Variants in EPC2 observed in about 807,000 individuals in gnomAD.
The protein encoded by EPC2 is enhancer of polycomb homolog 2.
A neutral mutation model predicts 92.1 loss-of-function variants in EPC2; 14 were observed. The ratio of observed to expected loss-of-function variants is 0.15; its 90% CI spans 0.10 to 0.24. The LOEUF (loss-of-function observed/expected upper bound fraction) is 0.24, where lower values mean the gene tolerates loss of function less well. Among genes scored for constraint, EPC2 ranks in the 10% least tolerant of loss-of-function variants. The pLI is 1.00. For synonymous variants in EPC2, 340 were observed against 334.7 expected, an observed-to-expected ratio of 1.02 and a Z score of -0.17; for missense variants, 755 against 971.5, an observed-to-expected ratio of 0.78 and a Z score of 2.96.
chr2:148,662,380 C>T lies in EPC2; in HGVS notation c.153+17210C>T, dbSNP rs148629065. On this transcript the variant is annotated intron_variant, in intron 1 of 13. Transcript: ENST00000258484. ...GACACATGGAGATGTATGTTTATTG[C>T]GGCACTTTTCACAATAGCAAAGACT... Among the ~76,000 whole-genome samples the T allele has an allele frequency of 1.0e-3, 158 of 152,162 alleles. 1 individual carries two copies. The highest frequency in any genetic ancestry group is 2.9e-3 in the African/African-American group (122 of 41,502).
At chr2:148,785,981 T>G (rs1433743035) in intron 13 of EPC2, among the ~76,000 whole-genome samples, 1 of 151,532 alleles carries the variant, frequency 6.6e-6, no homozygotes, top group Non-Finnish European at 1.5e-5. Context: ...GCTTCATCTC[T>G]CGAGAAAAAA....
intron 11 of EPC2, 58 bp from the exon 12 acceptor site, chr2:148,783,539 A>G: frequency 6.6e-7 from 1 of 1,517,236 alleles, no homozygotes. Context: ...CCCATCCCTT[A>G]ATATGTTCAT....
intron 2 of EPC2, among the ~76,000 whole-genome samples, chr2:148,697,181 G>A (rs1307860770): frequency 6.6e-6 from 1 of 152,190 alleles, no homozygotes; most frequent in African/African-American, 2.4e-5. Flanking sequence ...GCTCCAGAGT[G>A]TGCCTGTTTA....
At chr2:148,759,284 G>T (rs144633118) in intron 4 of EPC2, among the ~76,000 whole-genome samples, 1 of 152,078 alleles carries the variant, frequency 6.6e-6, no homozygotes, top group Admixed American at 6.5e-5. Flanking sequence ...GTAGAGACAG[G>T]GTTTTACCAT....
intron 1 of EPC2, among the ~76,000 whole-genome samples, chr2:148,683,884 C>T (rs898176014): frequency 3.9e-5 from 6 of 152,194 alleles, no homozygotes; most frequent in East Asian, 1.9e-4. Flanking sequence ...GGTAGTTACC[C>T]GGTAGTGGGA....
Position 148,770,937 on chromosome 2 carries a change from G to GGT in EPC2, c.1376+2_1376+3dup. 1.9e-6 allele frequency: 3 copies of GGT among 1,608,600 alleles called. No homozygotes were observed. The highest frequency in any genetic ancestry group is 2.5e-6 in the Non-Finnish European group (3 of 1,178,554). Reference sequence around the variant, plus strand: ...AGGAGGCGAATTGGCAGAGGTGGAAGGTGAAGTATTTGTTTTCACCTGGTT... The same window carrying GGT: ...AGGAGGCGAATTGGCAGAGGTGGAAGGTGTGAAGTATTTGTTTTCACCTGGTT... On this transcript the variant is annotated frameshift_variant and splice_region_variant. Coordinates refer to ENST00000258484, the MANE Select transcript of EPC2 (RefSeq NM_015630.4). LOFTEE classifies it high-confidence loss of function.
chr2:148,684,448 C>A (rs912603174), intron 1 of EPC2, among the ~76,000 whole-genome samples: 1 of 152,032 alleles, frequency 6.6e-6, no homozygotes, highest in Non-Finnish European at 1.5e-5. Context: ...AGAGTTTTTC[C>A]GATGTTATGT....
At position 148,779,489 on chromosome 2, in the gene EPC2, G is replaced by A. The variant is rs529979489; in HGVS notation, c.1721-2155G>A. Among the ~76,000 whole-genome samples, 191 of 152,156 alleles carry A rather than the reference G, an allele frequency of 1.3e-3. 1 individual carries two copies. Among genetic ancestry groups the A allele is most frequent in the African/African-American group, 4.3e-3 (180 of 41,508 alleles). On this transcript the variant is annotated intron_variant, in intron 10 of 13. Coordinates refer to ENST00000258484, the MANE Select transcript of EPC2 (RefSeq NM_015630.4). The stretch of plus-strand genomic sequence containing the variant: ...TTCCAACTACTCAGGAGGCTGAGGC[G>A]GGAGGATTGCTTGAACCCAGGAGTT...
At chr2:148,708,599 A>G (rs1310702350) in intron 2 of EPC2, among the ~76,000 whole-genome samples, 1 of 152,210 alleles carries the variant, frequency 6.6e-6, no homozygotes, top group Non-Finnish European at 1.5e-5. Flanking sequence ...TCCTCAATAA[A>G]ATACTGGCAA....
At chr2:148,688,087 C>T (rs1449511090) in intron 1 of EPC2, among the ~76,000 whole-genome samples, 1 of 152,020 alleles carries the variant, frequency 6.6e-6, no homozygotes, top group Non-Finnish European at 1.5e-5. Flanking sequence ...AAATTAAGAC[C>T]TTCTAATTTC....
Position 148,786,614 on chromosome 2 carries a change from T to C in EPC2, c.*237T>C, listed in dbSNP as rs1220915192. ...ATTTCTGTTACTTGAATAGTAGATA[T>C]TCATCATCATGCTTTTGCACTTGAA... On this transcript the variant is annotated 3_prime_UTR_variant, in exon 14 of 14. Coordinates refer to ENST00000258484, the MANE Select transcript of EPC2 (RefSeq NM_015630.4). 3 of 349,532 alleles carry C rather than the reference T, an allele frequency of 8.6e-6. No homozygotes were observed. Among genetic ancestry groups the C allele is most frequent in the South Asian group, 7.2e-5 (1 of 13,878 alleles). 21.7% of individuals were successfully genotyped at this position (349,532 alleles called of 1,614,324 possible).
intron 10 of EPC2, among the ~76,000 whole-genome samples, chr2:148,774,626 A>ATATATATATATATATATATATATAT (rs1683590586): frequency 1.4e-5 from 2 of 146,832 alleles, no homozygotes; most frequent in African/African-American, 4.9e-5. Context: ...AATATATTTT[A>ATATATATATATATATATATATATAT]TATATATATA....
chr2:148,709,107 G>T (rs1287011530), intron 2 of EPC2, among the ~76,000 whole-genome samples: 1 of 152,166 alleles, frequency 6.6e-6, no homozygotes, highest in African/African-American at 2.4e-5. Context: ...CATTGTCTCA[G>T]CCCAAAATCT....
intron 1 of EPC2, 48 bp from the exon 2 acceptor site, chr2:148,690,166 G>A: frequency 6.6e-7 from 1 of 1,514,844 alleles, no homozygotes. Context: ...ATTATGCATT[G>A]ATTAATATTA....
intron 2 of EPC2, among the ~76,000 whole-genome samples, chr2:148,728,422 G>T (rs759586950): frequency 4.6e-5 from 7 of 150,960 alleles, no homozygotes; most frequent in Non-Finnish European, 8.9e-5. Flanking sequence ...GTTTGGGTGT[G>T]CTCGTTTATT....
At chr2:148,676,107 T>A (rs1443308718) in intron 1 of EPC2, among the ~76,000 whole-genome samples, 1 of 150,940 alleles carries the variant, frequency 6.6e-6, no homozygotes, top group African/African-American at 2.4e-5. Context: ...TGTGTATGAC[T>A]AAAAGTCATG....
intron 2 of EPC2, among the ~76,000 whole-genome samples, chr2:148,706,162 C>T (rs1228568794): frequency 1.3e-5 from 2 of 152,096 alleles, no homozygotes; most frequent in Non-Finnish European, 1.5e-5. Flanking sequence ...CTTAAATGAC[C>T]TGATGGAGCT....
At chr2:148,726,126 C>T (rs1682489724) in intron 2 of EPC2, among the ~76,000 whole-genome samples, 1 of 152,174 alleles carries the variant, frequency 6.6e-6, no homozygotes, top group East Asian at 1.9e-4. Context: ...ATGTTGTAAA[C>T]AAGATTTCCT....
intron 10 of EPC2, among the ~76,000 whole-genome samples, chr2:148,773,621 T>C (rs2105433544): frequency 6.6e-6 from 1 of 152,304 alleles, no homozygotes; most frequent in East Asian, 1.9e-4. Context: ...CACAAGATTT[T>C]TTGTTTTCAA....
Sources: allele counts gnomAD v4.1 joint callset (sites outside exome capture counted in the v4.1 genomes callset), GRCh38; gene constraint gnomAD v4.1.1; transcripts MANE v1.5; gene names NCBI Gene and HGNC (gene_info 2026-07-23, HGNC 2026-07-21).